GSE1: variants seen among roughly 807,000 people sequenced by gnomAD.
The protein encoded by GSE1 is genetic suppressor element 1.
Under a neutral mutation model 112.6 loss-of-function variants are expected in GSE1, and 32 were observed. The ratio of observed to expected loss-of-function variants is 0.28; its 90% CI spans 0.21 to 0.38. GSE1 has a LOEUF of 0.38. GSE1 is among the 10% of genes least tolerant of loss of function. The probability of loss-of-function intolerance (pLI) is 1.00; values close to 1 mark genes in which losing one functional copy is unlikely to be tolerated. For missense variants in GSE1, 2,348 were observed against 1,699.2 expected (o/e 1.38, Z -6.71); for synonymous variants, 1,115 against 735.6 (o/e 1.52, Z -8.35).
At chr16:85,472,016 G>A (rs2050310728) in intron 2 of GSE1, among the ~76,000 whole-genome samples, 1 of 152,230 alleles carries the variant, frequency 6.6e-6, no homozygotes, top group Non-Finnish European at 1.5e-5. Flanking sequence ...CCTGGGAGCT[G>A]TCCTGTGCTT....
intron 1 of GSE1, among the ~76,000 whole-genome samples, chr16:85,274,177 A>C (rs945108574): frequency 1.3e-5 from 2 of 150,616 alleles, no homozygotes; most frequent in African/African-American, 4.9e-5. Flanking sequence ...CGAGGTTAGG[A>C]GTTCGAGACC....
At chr16:85,546,436 C>T (rs1431429113) in intron 2 of GSE1, among the ~76,000 whole-genome samples, 1 of 152,170 alleles carries the variant, frequency 6.6e-6, no homozygotes, top group African/African-American at 2.4e-5. Flanking sequence ...GGCTCAACCT[C>T]TCAGGGGTGC....
At chr16:85,404,956 GC>G (rs1362326789) in intron 2 of GSE1, among the ~76,000 whole-genome samples, 1 of 17,132 alleles carries the variant, frequency 5.8e-5, no homozygotes, top group Admixed American at 4.3e-4. Flanking sequence ...TTACTCTCAG[GC>G]CCCCCGGATA....
In GSE1 at chr16:85,320,240, G is replaced by A. The variant is rs139495307; in HGVS notation, c.2284-37223G>A. Reference sequence around the variant, plus strand: ...CCCAGCAGGGCCCTGGTCGCCCTCCGTGGAGGGAGTGGGCGGCGCATGAGT... The same window carrying A: ...CCCAGCAGGGCCCTGGTCGCCCTCCATGGAGGGAGTGGGCGGCGCATGAGT... On this transcript the variant is annotated intron_variant, in intron 1 of 2. Coordinates refer to the GSE1 transcript ENST00000637419. 1.4e-3 allele frequency among the ~76,000 whole-genome samples: 217 copies of A among 152,290 alleles called. 3 individuals carry two copies. The East Asian group carries it at 0.031, about 22-fold the overall frequency.
At chr16:85,650,352 A>C (rs1254297871) in intron 3 of GSE1, among the ~76,000 whole-genome samples, 3 of 152,016 alleles carry the variant, frequency 2.0e-5, no homozygotes, top group African/African-American at 7.2e-5. Flanking sequence ...CTTGCGCCCC[A>C]CTGGTGGGGC....
chr16:85,262,400 CA>C (rs1272637170), intron 1 of GSE1, among the ~76,000 whole-genome samples: 3 of 152,156 alleles, frequency 2.0e-5, no homozygotes, highest in African/African-American at 7.2e-5. Context: ...TCGCTTTTGA[CA>C]GCTAATTAGC....
At chr16:85,665,706 T>C (rs1427490008) in intron 12 of GSE1, among the ~76,000 whole-genome samples, 2 of 152,236 alleles carry the variant, frequency 1.3e-5, no homozygotes, top group Non-Finnish European at 2.9e-5. Context: ...AATACCTCCA[T>C]GCTGCCTCCG....
At position 85,175,849 on chromosome 16, in the gene GSE1, C is replaced by T. The variant is rs1044630336; in HGVS notation, c.2283+4042C>T. On this transcript the variant is annotated intron_variant, in intron 1 of 2. Transcript: ENST00000637419. ...TCAGGAGGTGCCACTGTTCCCTTTT[C>T]GTAAATAAGGAAATAAGTTCAGAGA... is the stretch of plus-strand genomic sequence containing the variant. Among the ~76,000 whole-genome samples, 7 of 152,300 alleles carry T rather than the reference C, an allele frequency of 4.6e-5. No homozygotes were observed. In the East Asian group the frequency reaches 5.8e-4, roughly 13 times the overall value.
intron 2 of GSE1, among the ~76,000 whole-genome samples, chr16:85,519,730 A>T (rs2052113486): frequency 2.7e-5 from 2 of 75,230 alleles, no homozygotes; most frequent in Admixed American, 2.8e-4. Flanking sequence ...CATCACCATC[A>T]CCATCACCAC....
At chr16:85,644,435 C>G (rs981692012) in intron 2 of GSE1, among the ~76,000 whole-genome samples, 67 of 151,982 alleles carry the variant, frequency 4.4e-4, no homozygotes, top group Non-Finnish European at 9.1e-4. Flanking sequence ...GAGGGACGGA[C>G]CAGTAAGGAG....
rs1567636167 is a variant in GSE1, at chr16:85,246,380, TACACACACACCCCACACGCTGTCTAC to T, written c.2283+74584_2283+74609del. 4.8e-4 allele frequency among the ~76,000 whole-genome samples: 27 copies of T among 55,752 alleles called. 1 individual carries two copies. The highest frequency in any genetic ancestry group is 8.6e-4 in the Admixed American group (4 of 4,666). 36.6% of individuals were successfully genotyped at this position (55,752 alleles called of 152,430 possible). On this transcript the variant is annotated intron_variant, in intron 1 of 2. Coordinates refer to the GSE1 transcript ENST00000637419. ...ACACACACACACACCACACGCTGTCTACACACACACCCCACACGCTGTCTACACACACACACACACACCCCATGCTC... is the reference window on the plus strand; with the variant it reads ...ACACACACACACACCACACGCTGTCTACACACACACACACACCCCATGCTC...
rs375210274 is a variant in GSE1 at position 85,476,200 on chromosome 16, G to C, written c.2464+118557G>C. On this transcript the variant is annotated intron_variant, in intron 2 of 2. Transcript: ENST00000637419. ...TCCTGCCTGGGCCTCCCAGAGTGCTGGGATTACAGGCGTCAGCCACCGTGC... is the reference window on the plus strand; with the variant it reads ...TCCTGCCTGGGCCTCCCAGAGTGCTCGGATTACAGGCGTCAGCCACCGTGC... Among the ~76,000 whole-genome samples the C allele has an allele frequency of 3.3e-5, 5 of 152,344 alleles. No individual in the cohort carries two copies. In the East Asian group the frequency reaches 5.8e-4, roughly 18 times the overall value.
intron 1 of GSE1, among the ~76,000 whole-genome samples, chr16:85,301,822 G>C (rs2045535196): frequency 6.6e-6 from 1 of 152,230 alleles, no homozygotes. Context: ...AGATCCTGCT[G>C]TTTGTCTCAC....
chr16:85,371,485 C>T (rs1307781022), intron 2 of GSE1, among the ~76,000 whole-genome samples: 1 of 152,154 alleles, frequency 6.6e-6, no homozygotes, highest in African/African-American at 2.4e-5. Flanking sequence ...GGGACGGTGA[C>T]CTCAGGGACA....
At chr16:85,571,427 G>A (rs1342391015) in intron 1 of GSE1, among the ~76,000 whole-genome samples, 1 of 152,276 alleles carries the variant, frequency 6.6e-6, no homozygotes, top group Non-Finnish European at 1.5e-5. Context: ...TGCGGATGGA[G>A]GCTGCTCAGT....
chr16:85,624,063 G>C (rs1011518224), intron 1 of GSE1, among the ~76,000 whole-genome samples: 2 of 152,190 alleles, frequency 1.3e-5, no homozygotes, highest in African/African-American at 4.8e-5. Context: ...GGAGAGGAGA[G>C]GGGCCTGCAT....
intron 1 of GSE1, among the ~76,000 whole-genome samples, chr16:85,287,314 G>T (rs1236140317): frequency 6.6e-6 from 1 of 152,226 alleles, no homozygotes; most frequent in Non-Finnish European, 1.5e-5. Context: ...TGGGGAGTGG[G>T]GGACTTGCTG....
chr16:85,387,701 A>G (rs1041830516), intron 2 of GSE1, among the ~76,000 whole-genome samples: 4 of 152,266 alleles, frequency 2.6e-5, no homozygotes, highest in African/African-American at 7.2e-5. Context: ...TGGTTAGAAC[A>G]TAAGCTTTGT....
At chr16:85,501,712 T>C (rs2051373992) in intron 2 of GSE1, among the ~76,000 whole-genome samples, 1 of 152,188 alleles carries the variant, frequency 6.6e-6, no homozygotes, top group South Asian at 2.1e-4. Context: ...AGCATATCTT[T>C]TGGAGGTACC....
Sources: allele counts gnomAD v4.1 joint callset (sites outside exome capture counted in the v4.1 genomes callset), GRCh38; gene constraint gnomAD v4.1.1; transcripts MANE v1.5; gene names NCBI Gene and HGNC (gene_info 2026-07-23, HGNC 2026-07-21).